SETBP1: variants seen among roughly 807,000 people sequenced by gnomAD.
SETBP1 encodes the protein SET binding protein 1.
A neutral mutation model predicts 101.0 loss-of-function variants in SETBP1; 9 were observed. That is an observed-to-expected ratio of 0.09 (90% CI 0.05 to 0.16). The LOEUF (loss-of-function observed/expected upper bound fraction) is 0.16, where lower values mean the gene tolerates loss of function less well. Among genes scored for constraint, SETBP1 ranks in the 10% least tolerant of loss-of-function variants. SETBP1 has a pLI of 1.00. For synonymous variants in SETBP1, 818 were observed against 788.5 expected (o/e 1.04, Z -0.63); for missense variants, 1,858 against 2,033.8 (o/e 0.91, Z 1.66).
At chr18:44,855,167 T>C (rs2072950231) in intron 2 of SETBP1, among the ~76,000 whole-genome samples, 1 of 152,230 alleles carries the variant, frequency 6.6e-6, no homozygotes, top group Non-Finnish European at 1.5e-5. Context: ...TCTCTTCTTT[T>C]ATTATAATTA....
Position 45,063,891 on chromosome 18 carries a change from C to T in SETBP1, c.*193C>T. ...TTGGGAAAGCAAAGCAGGGAGACAC[C>T]TTCAGAAGAAGCTTGTCTGAGCTTC... On this transcript the variant is annotated 3_prime_UTR_variant, in exon 6 of 6. Transcript: ENST00000649279. 1.7e-6 allele frequency: 1 copy of T among 583,690 alleles called. No individual in the cohort carries two copies. Among genetic ancestry groups the T allele is most frequent in the South Asian group, 2.0e-5 (1 of 49,158 alleles). The allele number at this position is 583,690 out of a possible 1,614,324, so 36.2% of individuals were successfully genotyped here. A position where few individuals can be genotyped will look rare whatever the true frequency, so the allele number is the denominator to read the frequency against.
Position 44,686,236 on chromosome 18 carries a change from C to A in SETBP1, c.-173+5215C>A, listed in dbSNP as rs761677086. Among the ~76,000 whole-genome samples the A allele has an allele frequency of 5.8e-4, 89 of 152,258 alleles. 1 individual carries two copies. Among genetic ancestry groups the A allele is most frequent in the Non-Finnish European group, 4.4e-5 (3 of 68,046 alleles). ...CTCCTTTTACCCTTTCTCATGAGAG[C>A]TGGTTTGCCCTGCCTGGCAGCCTGC... On this transcript the variant is annotated intron_variant, in intron 1 of 5. Coordinates refer to ENST00000649279, the MANE Select transcript of SETBP1 (RefSeq NM_015559.3).
At chr18:45,016,402 G>A (rs1407488517) in intron 4 of SETBP1, among the ~76,000 whole-genome samples, 1 of 152,078 alleles carries the variant, frequency 6.6e-6, no homozygotes, top group African/African-American at 2.4e-5. Context: ...GAAAGTGGTG[G>A]GGGAGAGTGT....
chr18:44,742,688 CTG>C (rs1568120335), intron 2 of SETBP1, among the ~76,000 whole-genome samples: 3 of 152,174 alleles, frequency 2.0e-5, no homozygotes, highest in African/African-American at 7.2e-5. Context: ...CCCAGGATGT[CTG>C]TGGGGAGGGC....
At chr18:44,873,106 T>C (rs201984905) in intron 3 of SETBP1, among the ~76,000 whole-genome samples, 1 of 59,804 alleles carries the variant, frequency 1.7e-5, no homozygotes, top group Non-Finnish European at 4.8e-5. Flanking sequence ...CAAGAACACA[T>C]AGGAAAACAT....
intron 2 of SETBP1, among the ~76,000 whole-genome samples, chr18:44,823,952 G>A (rs1021733179): frequency 6.6e-6 from 1 of 152,146 alleles, no homozygotes; most frequent in African/African-American, 2.4e-5. Flanking sequence ...GAGCACTTTG[G>A]CTTCATACCA....
chr18:44,776,975 C>T (rs2071016685), intron 2 of SETBP1, among the ~76,000 whole-genome samples: 1 of 152,168 alleles, frequency 6.6e-6, no homozygotes. Flanking sequence ...AGAGGATTAA[C>T]TCAGATGAGG....
At chr18:44,907,588 G>T (rs1296115772) in intron 3 of SETBP1, among the ~76,000 whole-genome samples, 1 of 152,098 alleles carries the variant, frequency 6.6e-6, no homozygotes, top group Non-Finnish European at 1.5e-5. Flanking sequence ...ATTTTGATTT[G>T]CATTTTCCTA....
At chr18:45,044,984 C>T (rs975840312) in intron 5 of SETBP1, among the ~76,000 whole-genome samples, 3 of 152,168 alleles carry the variant, frequency 2.0e-5, no homozygotes, top group Non-Finnish European at 4.4e-5. Context: ...CACAAGTTAA[C>T]ATAAAAGCTG....
At chr18:44,758,756 C>G (rs2070566280) in intron 2 of SETBP1, among the ~76,000 whole-genome samples, 1 of 152,252 alleles carries the variant, frequency 6.6e-6, no homozygotes, top group Non-Finnish European at 1.5e-5. Flanking sequence ...CCTTGACAAT[C>G]TAGTTCTCCT....
At chr18:45,033,128 A>T in intron 4 of SETBP1, among the ~76,000 whole-genome samples, 1 of 152,216 alleles carries the variant, frequency 6.6e-6, no homozygotes, top group Non-Finnish European at 1.5e-5. Context: ...AACAAGAAAA[A>T]AGAACAATAG....
intron 2 of SETBP1, among the ~76,000 whole-genome samples, chr18:44,818,753 T>TCACA (rs34683605): frequency 0.011 from 1,526 of 140,638 alleles, 16 homozygotes; most frequent in African/African-American, 0.027. Context: ...ACGCACACAC[T>TCACA]CACACACACA....
chr18:44,712,126 AT>A (rs1199601399), intron 2 of SETBP1, among the ~76,000 whole-genome samples: 1 of 152,144 alleles, frequency 6.6e-6, no homozygotes, highest in Non-Finnish European at 1.5e-5. Flanking sequence ...CATCATTAGT[AT>A]CAAATGCAGG....
intron 4 of SETBP1, among the ~76,000 whole-genome samples, chr18:44,968,302 A>T (rs2071765077): frequency 6.6e-6 from 1 of 152,240 alleles, no homozygotes; most frequent in South Asian, 2.1e-4. Context: ...GAAAGATAAA[A>T]GATAGGGCTC....
chr18:44,718,727 A>C (rs2144320128), intron 2 of SETBP1, among the ~76,000 whole-genome samples: 1 of 152,302 alleles, frequency 6.6e-6, no homozygotes, highest in South Asian at 2.1e-4. Flanking sequence ...AGCTGCAGAC[A>C]GAAAGCTGTC....
intron 4 of SETBP1, among the ~76,000 whole-genome samples, chr18:45,001,649 C>A (rs1568020630): frequency 6.6e-6 from 1 of 152,188 alleles, no homozygotes. Context: ...TGTGCTGGGC[C>A]TGCTGCTCAT....
rs149055470 is a variant in SETBP1 at position 44,794,280 on chromosome 18, A to C, written c.487-74950A>C. Reference sequence around the variant, plus strand: ...TGGATACAGCTGTATTCTTAAACAGAAATGACTTTTAGGACTGAATTTTTG... The same window carrying C: ...TGGATACAGCTGTATTCTTAAACAGCAATGACTTTTAGGACTGAATTTTTG... On this transcript the variant is annotated intron_variant, in intron 2 of 5. Coordinates refer to ENST00000649279, the MANE Select transcript of SETBP1 (RefSeq NM_015559.3). 2.4e-3 allele frequency among the ~76,000 whole-genome samples: 352 copies of C among 144,736 alleles called. 1 individual carries two copies. Among genetic ancestry groups the C allele is most frequent in the Middle Eastern group, 0.017 (5 of 290 alleles). The allele number at this position is 144,736 out of a possible 152,430, so 95.0% of individuals were successfully genotyped here.
chr18:44,890,714 G>C (rs946262055), intron 3 of SETBP1, among the ~76,000 whole-genome samples: 2 of 152,092 alleles, frequency 1.3e-5, no homozygotes, highest in Non-Finnish European at 2.9e-5. Flanking sequence ...TGCTTAAAAA[G>C]TAATTTCCTA....
intron 4 of SETBP1, among the ~76,000 whole-genome samples, chr18:44,996,084 G>T (rs934400970): frequency 2.6e-5 from 4 of 151,998 alleles, no homozygotes; most frequent in African/African-American, 9.7e-5. Context: ...CCCAATACAG[G>T]GTTTATGTCT....
Sources: gnomAD v4.1 joint callset for allele counts (sites outside exome capture counted in the v4.1 genomes callset) on GRCh38, gnomAD v4.1.1 for gene constraint, MANE v1.5 for transcripts, NCBI Gene and HGNC (gene_info 2026-07-23, HGNC 2026-07-21) for gene names.